The following CADPS2 variants were observed in gnomAD, a reference collection of about 807,000 sequenced individuals.
The protein encoded by CADPS2 is calcium-dependent secretion activator 2.
Under a neutral mutation model 172.5 loss-of-function variants are expected in CADPS2, and 93 were observed. The observed-to-expected ratio is 0.54, with a 90% CI of 0.46 to 0.64. The LOEUF (loss-of-function observed/expected upper bound fraction) is 0.64, where lower values mean the gene tolerates loss of function less well. CADPS2 is among the 30% of genes least tolerant of loss of function. The pLI, the probability that CADPS2 is intolerant of heterozygous loss-of-function variation, is 0.00. For missense variants in CADPS2, 1,420 were observed against 1,565.9 expected (o/e 0.91, Z 1.57); for synonymous variants, 546 against 555.2 (o/e 0.98, Z 0.23).
At chr7:122,405,588 C>T (rs559073412) in intron 20 of CADPS2, among the ~76,000 whole-genome samples, 146 of 152,018 alleles carry the variant, frequency 9.6e-4, no homozygotes, top group African/African-American at 3.3e-3. Context: ...GCTTGAACTT[C>T]GGAGGCCACT....
chr7:122,697,743 T>G, intron 2 of CADPS2: 1 of 1,434,766 alleles, frequency 7.0e-7, no homozygotes, highest in Non-Finnish European at 9.4e-7. Context: ...TATTAGGACC[T>G]GATTTCACAT....
rs1362072972 is a variant in CADPS2 at position 122,735,336 on chromosome 7, T to C, written c.453+1619A>G. ...CTACAGGCTAAACACCCCCAGCTCC[T>C]TCAACTTACATATGGCATGTTTCAA... On this transcript the variant is annotated intron_variant, in intron 2 of 29. Transcript: ENST00000449022. Among the ~76,000 whole-genome samples the C allele has an allele frequency of 2.0e-5, 3 of 152,156 alleles. No individual in the cohort carries two copies. The East Asian group carries it at 5.8e-4, about 29-fold the overall frequency.
At chr7:122,827,861 A>T (rs1338575302) in intron 1 of CADPS2, among the ~76,000 whole-genome samples, 2 of 152,212 alleles carry the variant, frequency 1.3e-5, no homozygotes, top group Non-Finnish European at 2.9e-5. Context: ...TCAGCAACAC[A>T]TAAAAAGAAT....
intron 2 of CADPS2, chr7:122,676,838 A>ATT: frequency 1.1e-5 from 6 of 538,734 alleles, no homozygotes; most frequent in South Asian, 9.7e-5. Flanking sequence ...TGGTGACAGT[A>ATT]TTTTTTTTTT....
At chr7:122,643,124 C>T (rs748878838) in intron 3 of CADPS2, among the ~76,000 whole-genome samples, 2 of 152,214 alleles carry the variant, frequency 1.3e-5, no homozygotes, top group African/African-American at 2.4e-5. Context: ...ATGCTGATTC[C>T]AAAAGAATAC....
chr7:122,561,616 A>G (rs1330146308), intron 7 of CADPS2, among the ~76,000 whole-genome samples: 1 of 152,144 alleles, frequency 6.6e-6, no homozygotes, highest in Non-Finnish European at 1.5e-5. Context: ...TGAGAGCAAG[A>G]GCTATTGTGT....
At chr7:122,880,075 C>T (rs1328827088) in intron 1 of CADPS2, among the ~76,000 whole-genome samples, 1 of 152,126 alleles carries the variant, frequency 6.6e-6, no homozygotes, top group Non-Finnish European at 1.5e-5. Context: ...GTACGCATTA[C>T]TACTACATAC....
intron 7 of CADPS2, among the ~76,000 whole-genome samples, chr7:122,570,131 C>T (rs1364102235): frequency 3.4e-5 from 5 of 148,554 alleles, no homozygotes; most frequent in East Asian, 2.0e-4. Flanking sequence ...GCAACCTACT[C>T]ATCTGACGAA....
intron 8 of CADPS2, among the ~76,000 whole-genome samples, chr7:122,544,443 G>A (rs115232646): frequency 0.015 from 2,338 of 152,166 alleles, 60 homozygotes; most frequent in African/African-American, 0.053. Context: ...AAACGACAAC[G>A]ATTTATTATT....
intron 2 of CADPS2, among the ~76,000 whole-genome samples, chr7:122,709,475 C>T (rs973031942): frequency 2.5e-4 from 38 of 151,952 alleles, no homozygotes; most frequent in Middle Eastern, 3.4e-3. Context: ...TAAACTAGTT[C>T]AACCATTGTG....
chr7:122,783,031 TGA>T (rs1563005220), intron 1 of CADPS2, among the ~76,000 whole-genome samples: 5 of 151,868 alleles, frequency 3.3e-5, no homozygotes, highest in Admixed American at 6.6e-5. Flanking sequence ...GCTAACACAG[TGA>T]ATCCCCATTG....
At chr7:122,466,434 C>T (rs2055148136) in intron 14 of CADPS2, among the ~76,000 whole-genome samples, 1 of 152,168 alleles carries the variant, frequency 6.6e-6, no homozygotes, top group African/African-American at 2.4e-5. Context: ...TTTCCAGCAA[C>T]ATGGGGGTGG....
At chr7:122,626,783 T>C (rs573624856) in intron 4 of CADPS2, among the ~76,000 whole-genome samples, 12 of 152,308 alleles carry the variant, frequency 7.9e-5, no homozygotes, top group African/African-American at 1.9e-4. Flanking sequence ...AATTAATTTG[T>C]GGATAGAAAA....
intron 19 of CADPS2, among the ~76,000 whole-genome samples, chr7:122,410,870 A>G (rs2047220321): frequency 6.6e-6 from 1 of 152,258 alleles, no homozygotes; most frequent in Admixed American, 6.5e-5. Context: ...TTTTATAAAC[A>G]TCATCTTACT....
intron 2 of CADPS2, among the ~76,000 whole-genome samples, chr7:122,674,781 T>G (rs767872966): frequency 1.3e-5 from 2 of 152,216 alleles, no homozygotes; most frequent in Non-Finnish European, 2.9e-5. Flanking sequence ...GCTGCCAGCA[T>G]GTGTTCAGCA....
intron 2 of CADPS2, among the ~76,000 whole-genome samples, chr7:122,728,538 G>C (rs906886411): frequency 2.0e-5 from 3 of 151,534 alleles, no homozygotes; most frequent in East Asian, 3.9e-4. Flanking sequence ...TATAAAGATT[G>C]AAAAACAATG....
chr7:122,356,451 G>A (rs2039418197), intron 27 of CADPS2, among the ~76,000 whole-genome samples: 1 of 151,992 alleles, frequency 6.6e-6, no homozygotes, highest in African/African-American at 2.4e-5. Context: ...CAACTGGCTG[G>A]GGTAATATTT....
intron 1 of CADPS2, among the ~76,000 whole-genome samples, chr7:122,870,209 A>G (rs1024020424): frequency 3.9e-5 from 6 of 152,068 alleles, no homozygotes; most frequent in African/African-American, 1.4e-4. Context: ...GCTTCCAAAA[A>G]GAGACTAGTT....
chr7:122,708,467 T>TATAC (rs1434326374), intron 2 of CADPS2, among the ~76,000 whole-genome samples: 1 of 140,524 alleles, frequency 7.1e-6, no homozygotes, highest in Non-Finnish European at 1.5e-5. Flanking sequence ...TGTGGATATA[T>TATAC]ATATATATAT....
Sources: allele counts gnomAD v4.1 joint callset (sites outside exome capture counted in the v4.1 genomes callset), GRCh38; gene constraint gnomAD v4.1.1; transcripts MANE v1.5; gene names NCBI Gene and HGNC (gene_info 2026-07-23, HGNC 2026-07-21).